The following SPOCK2 variants were observed in gnomAD, a reference collection of about 807,000 sequenced individuals.
The protein encoded by SPOCK2 is SPARC (osteonectin), cwcv and kazal like domains proteoglycan 2, also known as testican-2.
A neutral mutation model predicts 60.1 loss-of-function variants in SPOCK2; 39 were observed. The observed-to-expected ratio is 0.65, with a 90% CI of 0.50 to 0.85. SPOCK2 has a LOEUF of 0.85. Among genes scored for constraint, SPOCK2 ranks in the 40% least tolerant of loss-of-function variants. The pLI, the probability that SPOCK2 is intolerant of heterozygous loss-of-function variation, is 0.00. For synonymous variants in SPOCK2, 217 were observed against 231.5 expected, an observed-to-expected ratio of 0.94 and a Z score of 0.57; for missense variants, 523 against 567.4, an observed-to-expected ratio of 0.92 and a Z score of 0.80.
At position 72,061,594 on chromosome 10, in the gene SPOCK2, G is replaced by C. The variant is rs1349473499; in HGVS notation, c.*1166C>G. 6.6e-6 allele frequency: 1 copy of C among 152,344 alleles called. No homozygotes were observed. Among genetic ancestry groups the C allele is most frequent in the African/African-American group, 2.4e-5 (1 of 41,412 alleles). 9.4% of individuals were successfully genotyped at this position (152,344 alleles called of 1,614,324 possible). On this transcript the variant is annotated 3_prime_UTR_variant, in exon 11 of 11. Coordinates refer to ENST00000373109, the MANE Select transcript of SPOCK2 (RefSeq NM_001244950.2). ...GCAGGACAGGAGTGTTAAGGGTCAG[G>C]GAGGAGGTGGGCACACACCCCCTTA...
At chr10:72,073,556 G>A (rs574994757) in intron 1 of SPOCK2, among the ~76,000 whole-genome samples, 3 of 152,174 alleles carry the variant, frequency 2.0e-5, no homozygotes, top group African/African-American at 4.8e-5. Context: ...AGGGTCCTAC[G>A]AGGTCACCTG....
chr10:72,068,071 G>T, intron 6 of SPOCK2, 116 bp downstream of exon 6: 1 of 1,207,864 alleles, frequency 8.3e-7, no homozygotes, highest in Non-Finnish European at 1.2e-6. Flanking sequence ...CAAGCTTTCT[G>T]CATTTTTGCC....
In SPOCK2 at chr10:72,072,241, C is replaced by G. The variant is rs1840656898; in HGVS notation, c.262G>C (p.Asp88His). Reference sequence around the variant, plus strand: ...CTGCACTTCACCTTCTGGCAGGGGTCCTTGGTGGTATCCAGGGCTGCAGGG... The same window carrying G: ...CTGCACTTCACCTTCTGGCAGGGGTGCTTGGTGGTATCCAGGGCTGCAGGG... ...QGDEALDTTK[D>H]PCQKVKCSRH... is the part of the protein sequence containing the mutation. The change falls in exon 4 of 11, where the codon GAC (aspartate) becomes CAC (histidine). Residue 88 changes from aspartate (D) to histidine (H), a missense_variant. Physicochemically the swap from Asp to His is moderately conservative, Grantham distance 81. Transcript: ENST00000373109. The G allele has an allele frequency of 3.9e-6, 6 of 1,540,362 alleles. No individual in the cohort carries two copies. The African/African-American group carries it at 8.3e-5, about 21-fold the overall frequency.
Position 72,087,082 on chromosome 10 carries a change from C to A in SPOCK2, c.189+1058G>T. On this transcript the variant is annotated intron_variant, in intron 1 of 10. Coordinates refer to ENST00000373109, the MANE Select transcript of SPOCK2 (RefSeq NM_001244950.2). The surrounding 1 kb of genome is among the most constrained non-coding windows in gnomAD (Gnocchi z 4.7). ...GCACCAGGTCGCCAGGAGCAGCCGG[C>A]GTCGCCTCTGGCGCATCCGGGCCCA... The A allele has an allele frequency of 7.0e-7, 1 of 1,430,906 alleles. No homozygotes were observed. Among genetic ancestry groups the A allele is most frequent in the South Asian group, 1.4e-5 (1 of 73,378 alleles). The allele number at this position is 1,430,906 out of a possible 1,614,324, so 88.6% of individuals were successfully genotyped here. A position where few individuals can be genotyped will look rare whatever the true frequency, so the allele number is the denominator to read the frequency against.
chr10:72,074,260 C>G (rs552216997), intron 1 of SPOCK2, among the ~76,000 whole-genome samples: 1 of 152,252 alleles, frequency 6.6e-6, no homozygotes, highest in Admixed American at 6.5e-5. Context: ...AGCTGGCAAG[C>G]GTCAGAGCAG....
In SPOCK2 at chr10:72,065,849, A is replaced by G. The variant is rs369701859; in HGVS notation, c.928+1053T>C. The stretch of plus-strand genomic sequence containing the variant: ...TGCTCTGCACAGATTTTCTTGGCTC[A>G]TCCTCACAACAGGCTCCAAGATAGG... On this transcript the variant is annotated intron_variant, in intron 8 of 10. Coordinates refer to ENST00000373109, the MANE Select transcript of SPOCK2 (RefSeq NM_001244950.2). 8.5e-5 allele frequency among the ~76,000 whole-genome samples: 13 copies of G among 152,368 alleles called. No individual in the cohort carries two copies. The East Asian group carries it at 2.1e-3, about 25-fold the overall frequency.
Position 72,086,939 on chromosome 10 carries a change from C to T in SPOCK2, c.189+1201G>A, listed in dbSNP as rs1424383495. Reference sequence around the variant, plus strand: ...GGATGCACGCAGTTTAAGGAGAAAACGGGAGAGGTCATGGTGTGGCCTGCG... The same window carrying T: ...GGATGCACGCAGTTTAAGGAGAAAATGGGAGAGGTCATGGTGTGGCCTGCG... On this transcript the variant is annotated intron_variant, in intron 1 of 10. Transcript: ENST00000373109. The T allele has an allele frequency of 5.2e-6, 8 of 1,551,456 alleles. No homozygotes were observed. The East Asian group carries it at 7.3e-5, about 14-fold the overall frequency.
Position 72,070,414 on chromosome 10 carries a change from C to A in SPOCK2, c.372G>T (p.Pro124=). 1 of 1,614,006 alleles carries A rather than the reference C, an allele frequency of 6.2e-7. No individual in the cohort carries two copies. The highest frequency in any genetic ancestry group is 1.1e-5 in the South Asian group (1 of 91,016). Residue 124 remains proline (P), a synonymous_variant, in exon 5 of 11, where the codon CCG becomes CCT. Coordinates refer to ENST00000373109, the MANE Select transcript of SPOCK2 (RefSeq NM_001244950.2). ...RKKLEHRIKQ[P]TVKLHGNKDS... ...CTTTGTTTCCATGGAGTTTCACGGTCGGCTGCTTGATCCTACAGGAGAGGG... is the reference window on the plus strand; with the variant it reads ...CTTTGTTTCCATGGAGTTTCACGGTAGGCTGCTTGATCCTACAGGAGAGGG...
At chr10:72,083,975 T>C (rs1315002366) in intron 1 of SPOCK2, among the ~76,000 whole-genome samples, 6 of 151,938 alleles carry the variant, frequency 3.9e-5, no homozygotes, top group Non-Finnish European at 8.8e-5. Context: ...GGAGGGGTGG[T>C]CAGGAGGGAG....
intron 1 of SPOCK2, among the ~76,000 whole-genome samples, chr10:72,077,194 C>T (rs1245563): frequency 0.55 from 83,028 of 151,904 alleles, 22,721 homozygotes; most frequent in Middle Eastern, 0.6. Flanking sequence ...AATCATAGCT[C>T]ACTGTAGCCC....
At chr10:72,081,265 G>A (rs1451166500) in intron 1 of SPOCK2, among the ~76,000 whole-genome samples, 1 of 152,230 alleles carries the variant, frequency 6.6e-6, no homozygotes, top group Non-Finnish European at 1.5e-5. Context: ...CTGAGAACTT[G>A]GAGATGAGCG....
At chr10:72,071,340 C>T (rs1440543390) in intron 4 of SPOCK2, among the ~76,000 whole-genome samples, 1 of 152,108 alleles carries the variant, frequency 6.6e-6, no homozygotes, top group Non-Finnish European at 1.5e-5. Flanking sequence ...CAGGCACAAG[C>T]GACCATGCCC....
chr10:72,070,687 T>C (rs561852890), intron 4 of SPOCK2, among the ~76,000 whole-genome samples: 1 of 152,068 alleles, frequency 6.6e-6, no homozygotes, highest in South Asian at 2.1e-4. Flanking sequence ...GGCCTTCAGG[T>C]AGCAACTCCA....
chr10:72,070,742 G>A (rs1413771129), intron 4 of SPOCK2, among the ~76,000 whole-genome samples: 1 of 152,088 alleles, frequency 6.6e-6, no homozygotes, highest in East Asian at 1.9e-4. Flanking sequence ...TCACTTAGGG[G>A]GTCAGACCAA....
chr10:72,066,524 A>G (rs1840570068), intron 8 of SPOCK2, among the ~76,000 whole-genome samples: 1 of 143,062 alleles, frequency 7.0e-6, no homozygotes, highest in Non-Finnish European at 1.5e-5. Flanking sequence ...TTTTTTTCAC[A>G]GAGAGGAGGT....
rs555527550 is a variant in SPOCK2 at position 72,081,446 on chromosome 10, A to G, written c.189+6694T>C. Among the ~76,000 whole-genome samples the G allele has an allele frequency of 2.6e-5, 4 of 152,352 alleles. No individual in the cohort carries two copies. The East Asian group carries it at 7.7e-4, about 29-fold the overall frequency. On this transcript the variant is annotated intron_variant, in intron 1 of 10. Coordinates refer to ENST00000373109, the MANE Select transcript of SPOCK2 (RefSeq NM_001244950.2). ...TTGACCGACTGGCAGGTGTTGGGGA[A>G]GACAGCAGGAGGGGGCTGGACGCCC...
intron 1 of SPOCK2, among the ~76,000 whole-genome samples, chr10:72,080,685 T>C (rs1840772043): frequency 6.6e-6 from 1 of 152,052 alleles, no homozygotes; most frequent in Non-Finnish European, 1.5e-5. Flanking sequence ...CGGCAGAGGC[T>C]GTGATAGGCC....
At chr10:72,082,815 C>A (rs1369652608) in intron 1 of SPOCK2, among the ~76,000 whole-genome samples, 1 of 138,810 alleles carries the variant, frequency 7.2e-6, no homozygotes, top group African/African-American at 2.7e-5. Context: ...GATTGCATCA[C>A]TGCACTCCAA....
rs1293346723 is a variant in SPOCK2, at chr10:72,087,363, A to T, written c.189+777T>A. On this transcript the variant is annotated intron_variant, in intron 1 of 10. Transcript: ENST00000373109. The surrounding 1 kb of genome is among the most constrained non-coding windows in gnomAD (Gnocchi z 4.7). ...CGGGCGGCGCCCGCCGGGGGCCCCC[A>T]AACCCAGCTTCTGGACTCTCCCCGG... is the stretch of plus-strand genomic sequence containing the variant. Among the ~76,000 whole-genome samples, 1 of 150,452 alleles carries T rather than the reference A, an allele frequency of 6.6e-6. No homozygotes were observed. Among genetic ancestry groups the T allele is most frequent in the Non-Finnish European group, 1.5e-5 (1 of 67,586 alleles).
Sources: allele counts gnomAD v4.1 joint callset (sites outside exome capture counted in the v4.1 genomes callset), GRCh38; gene constraint gnomAD v4.1.1; non-coding constraint Gnocchi (gnomAD v3.1); transcripts MANE v1.5; gene names NCBI Gene and HGNC (gene_info 2026-07-23, HGNC 2026-07-21).